NRXN1: variants seen among roughly 807,000 people sequenced by gnomAD.
NRXN1 encodes neurexin 1.
In NRXN1, 39 loss-of-function variants were observed where a neutral mutation model predicts 150.9. That is an observed-to-expected ratio of 0.26 (90% CI 0.20 to 0.34). The LOEUF is 0.34. Among genes scored for constraint, NRXN1 ranks in the 10% least tolerant of loss-of-function variants. The probability of loss-of-function intolerance (pLI) is 1.00; values close to 1 mark genes in which losing one functional copy is unlikely to be tolerated. For synonymous variants in NRXN1, 924 were observed against 757.0 expected (o/e 1.22, Z -3.62); for missense variants, 1,815 against 1,949.9 (o/e 0.93, Z 1.30).
chr2:50,818,903 A>T (rs930872886), intron 5 of NRXN1, among the ~76,000 whole-genome samples: 2 of 152,134 alleles, frequency 1.3e-5, no homozygotes, highest in Non-Finnish European at 2.9e-5. Context: ...ACAAGTATAT[A>T]AAAAGATGAT....
chr2:50,251,311 T>C (rs893481184), intron 17 of NRXN1, among the ~76,000 whole-genome samples: 1 of 152,048 alleles, frequency 6.6e-6, no homozygotes, highest in Non-Finnish European at 1.5e-5. Flanking sequence ...ATTAGTTTGC[T>C]GAGGATAATG....
intron 4 of NRXN1, among the ~76,000 whole-genome samples, chr2:50,922,171 G>C (rs773700148): frequency 5.9e-5 from 9 of 151,834 alleles, no homozygotes; most frequent in Non-Finnish European, 8.8e-5. Flanking sequence ...CGTAGAGAAA[G>C]TATTGATTCT....
chr2:50,555,458 A>C (rs79186182), intron 8 of NRXN1, among the ~76,000 whole-genome samples: 1,660 of 152,218 alleles, frequency 0.011, 13 homozygotes, highest in Non-Finnish European at 0.019. Flanking sequence ...AAAAAAATAG[A>C]AGTAGGGATA....
At chr2:50,695,809 T>C (rs955552077) in intron 5 of NRXN1, among the ~76,000 whole-genome samples, 4 of 151,830 alleles carry the variant, frequency 2.6e-5, no homozygotes, top group African/African-American at 9.7e-5. Context: ...TTCCAAAGGA[T>C]TAGGGAAATA....
intron 18 of NRXN1, among the ~76,000 whole-genome samples, chr2:50,143,414 A>C (rs1046867440): frequency 6.6e-6 from 1 of 151,982 alleles, no homozygotes; most frequent in African/African-American, 2.4e-5. Flanking sequence ...GGATCATGCT[A>C]TCGAGGGAAT....
chr2:50,905,103 CAT>C (rs1436483045), intron 5 of NRXN1, among the ~76,000 whole-genome samples: 1 of 152,070 alleles, frequency 6.6e-6, no homozygotes, highest in Non-Finnish European at 1.5e-5. Context: ...TTCTTTTCCT[CAT>C]ATTATCATCA....
intron 17 of NRXN1, among the ~76,000 whole-genome samples, chr2:50,350,084 G>A (rs1027473414): frequency 1.1e-4 from 16 of 152,136 alleles, no homozygotes; most frequent in African/African-American, 3.9e-4. Context: ...TTGCTCCCAT[G>A]GGGAAATACA....
intron 18 of NRXN1, among the ~76,000 whole-genome samples, chr2:50,215,440 T>A (rs2063329325): frequency 6.6e-6 from 1 of 152,062 alleles, no homozygotes; most frequent in South Asian, 2.1e-4. Flanking sequence ...CAGCTTCCTG[T>A]GTCTAACATT....
intron 18 of NRXN1, among the ~76,000 whole-genome samples, chr2:50,219,985 TTA>T (rs1553776534): frequency 2.7e-4 from 14 of 51,730 alleles, no homozygotes; most frequent in African/African-American, 1.2e-3. Flanking sequence ...AATATATATA[TTA>T]TATATAATAT....
chr2:49,961,535 G>GA (rs1675956117), intron 21 of NRXN1, among the ~76,000 whole-genome samples: 1 of 151,852 alleles, frequency 6.6e-6, no homozygotes, highest in Admixed American at 6.6e-5. Context: ...AAACAACCCA[G>GA]AAAACACAAC....
At chr2:50,443,377 C>CT (rs1326807126) in intron 17 of NRXN1, among the ~76,000 whole-genome samples, 3 of 152,162 alleles carry the variant, frequency 2.0e-5, no homozygotes, top group African/African-American at 7.2e-5. Flanking sequence ...CAAGTACGGC[C>CT]TTGGCCTTCA....
At chr2:50,720,247 T>G (rs893261367) in intron 5 of NRXN1, among the ~76,000 whole-genome samples, 1 of 152,140 alleles carries the variant, frequency 6.6e-6, no homozygotes, top group African/African-American at 2.4e-5. Flanking sequence ...AATGGGAAAC[T>G]TCATTTTCGA....
chr2:49,935,403 G>A (rs1670859468), intron 22 of NRXN1, among the ~76,000 whole-genome samples: 2 of 151,924 alleles, frequency 1.3e-5, no homozygotes, highest in African/African-American at 4.8e-5. Context: ...TGTAATTAAT[G>A]GCCTCTGGCT....
intron 5 of NRXN1, among the ~76,000 whole-genome samples, chr2:50,813,018 C>T (rs942523864): frequency 4.6e-5 from 7 of 151,934 alleles, no homozygotes; most frequent in Admixed American, 1.3e-4. Context: ...AGTGAGATCT[C>T]ACCTGTACAA....
intron 5 of NRXN1, among the ~76,000 whole-genome samples, chr2:50,850,098 C>T (rs1285524658): frequency 6.6e-6 from 1 of 151,906 alleles, no homozygotes; most frequent in African/African-American, 2.4e-5. Context: ...GGTATATGCA[C>T]CTGTGGTCCC....
At position 50,043,120 on chromosome 2, in the gene NRXN1, T is replaced by C. The variant is rs1691270378; in HGVS notation, c.4128+10151A>G. On this transcript the variant is annotated intron_variant, in intron 21 of 22. Transcript: ENST00000401669. ...TACAAATTTCAGACTAGATTCTTTA[T>C]ACATGTGTTTTTTTACTTTTCTGAA... Among the ~76,000 whole-genome samples the C allele has an allele frequency of 1.3e-5, 2 of 152,322 alleles. 1 individual carries two copies. The highest frequency in any genetic ancestry group is 4.1e-4 in the South Asian group (2 of 4,824).
chr2:50,312,470 T>C (rs1273138059), intron 17 of NRXN1, among the ~76,000 whole-genome samples: 3 of 151,986 alleles, frequency 2.0e-5, no homozygotes, highest in Admixed American at 6.6e-5. Flanking sequence ...TTTTTACACA[T>C]GTTCATAGAA....
At chr2:50,154,635 G>T (rs1328434949) in intron 18 of NRXN1, among the ~76,000 whole-genome samples, 1 of 151,556 alleles carries the variant, frequency 6.6e-6, no homozygotes, top group African/African-American at 2.4e-5. Context: ...GGCTCCTATA[G>T]TTAAAAACAT....
intron 2 of NRXN1, among the ~76,000 whole-genome samples, chr2:51,007,281 A>G (rs1205902636): frequency 1.3e-5 from 2 of 152,000 alleles, no homozygotes; most frequent in African/African-American, 4.8e-5. Flanking sequence ...TATTCAAAAA[A>G]AATTATTGTC....
Sources: gnomAD v4.1 joint callset for allele counts (sites outside exome capture counted in the v4.1 genomes callset) on GRCh38, gnomAD v4.1.1 for gene constraint, MANE v1.5 for transcripts, NCBI Gene and HGNC (gene_info 2026-07-23, HGNC 2026-07-21) for gene names.